The following SND1 variants were observed in gnomAD, a reference collection of about 807,000 sequenced individuals.
SND1 encodes the protein staphylococcal nuclease and tudor domain containing 1.
SND1 carries 38 observed loss-of-function variants against 121.7 expected under a neutral mutation model. The ratio of observed to expected loss-of-function variants is 0.31; its 90% CI spans 0.24 to 0.41. The LOEUF (loss-of-function observed/expected upper bound fraction) is 0.41. SND1 is among the 10% of genes least tolerant of loss of function. The pLI is 1.00. For synonymous variants in SND1, 401 were observed against 447.4 expected, an observed-to-expected ratio of 0.90 and a Z score of 1.31; for missense variants, 868 against 1,184.6, an observed-to-expected ratio of 0.73 and a Z score of 3.92.
At chr7:127,916,386 T>C (rs887174089) in intron 14 of SND1, among the ~76,000 whole-genome samples, 2 of 152,166 alleles carry the variant, frequency 1.3e-5, no homozygotes, top group Non-Finnish European at 2.9e-5. Context: ...TTGTCTGATA[T>C]TGTAAATGAT....
chr7:127,804,397 C>G (rs1197907748), intron 10 of SND1, among the ~76,000 whole-genome samples: 1 of 152,130 alleles, frequency 6.6e-6, no homozygotes, highest in East Asian at 1.9e-4. Context: ...TTTGTTGATA[C>G]ACTTTTTATT....
chr7:127,967,448 G>A (rs1489926074), intron 15 of SND1, among the ~76,000 whole-genome samples: 1 of 152,208 alleles, frequency 6.6e-6, no homozygotes, highest in African/African-American at 2.4e-5. Context: ...TGCCATCCAT[G>A]CTGTATCTTT....
At chr7:127,688,560 A>AG (rs1280623909) in intron 2 of SND1, among the ~76,000 whole-genome samples, 1 of 151,456 alleles carries the variant, frequency 6.6e-6, no homozygotes, top group African/African-American at 2.4e-5. Context: ...AAAAAAAAAA[A>AG]AAAAAGAAAA....
intron 10 of SND1, among the ~76,000 whole-genome samples, chr7:127,783,074 T>A (rs1322788998): frequency 6.6e-6 from 1 of 152,196 alleles, no homozygotes; most frequent in East Asian, 1.9e-4. Flanking sequence ...AGATATCAAT[T>A]CTGGATATAT....
intron 1 of SND1, among the ~76,000 whole-genome samples, chr7:127,670,966 C>T (rs904395284): frequency 3.3e-5 from 5 of 152,080 alleles, no homozygotes; most frequent in East Asian, 1.9e-4. Context: ...GATTTGAAAG[C>T]GTCTACCATT....
At chr7:127,859,126 G>A (rs905214026) in intron 12 of SND1, among the ~76,000 whole-genome samples, 1 of 152,158 alleles carries the variant, frequency 6.6e-6, no homozygotes, top group African/African-American at 2.4e-5. Context: ...GTTTGCATGG[G>A]GGGGTGGTTT....
At chr7:127,979,436 T>C (rs1348439248) in intron 15 of SND1, among the ~76,000 whole-genome samples, 1 of 152,152 alleles carries the variant, frequency 6.6e-6, no homozygotes, top group Non-Finnish European at 1.5e-5. Flanking sequence ...CACTCTAAGC[T>C]AATTCTGATT....
At chr7:127,893,680 G>A (rs1406092465) in intron 13 of SND1, among the ~76,000 whole-genome samples, 1 of 152,112 alleles carries the variant, frequency 6.6e-6, no homozygotes, top group African/African-American at 2.4e-5. Flanking sequence ...CAGGAGAAGA[G>A]AAAAGGGCAG....
At chr7:127,676,476 G>A (rs1195976329) in intron 1 of SND1, among the ~76,000 whole-genome samples, 1 of 152,194 alleles carries the variant, frequency 6.6e-6, no homozygotes, top group Non-Finnish European at 1.5e-5. Context: ...TATAATTTCA[G>A]AGCTCATGGT....
intron 16 of SND1, chr7:128,030,526 C>G (rs779286066): frequency 6.2e-7 from 1 of 1,613,272 alleles, no homozygotes; most frequent in Non-Finnish European, 8.5e-7. Flanking sequence ...CCGGCTGAGG[C>G]GGCAGCAGCG....
At chr7:127,757,875 A>G (rs774483089) in intron 10 of SND1, among the ~76,000 whole-genome samples, 2 of 152,102 alleles carry the variant, frequency 1.3e-5, no homozygotes, top group Non-Finnish European at 2.9e-5. Context: ...GTTTCTGAAA[A>G]TGTTTCCTGT....
In SND1 at chr7:127,731,891, G is replaced by A. The variant is rs141371997; in HGVS notation, c.1152+10491G>A. Among the ~76,000 whole-genome samples, 43 of 152,306 alleles carry A rather than the reference G, an allele frequency of 2.8e-4. No individual in the cohort carries two copies. In the East Asian group the frequency reaches 8.3e-3, roughly 29 times the overall value. ...ACCGTAGACGGAACCTGACAAACTG[G>A]AAACTCAGTGTGATAAAATCCTATA... On this transcript the variant is annotated intron_variant, in intron 10 of 23. Transcript: ENST00000354725.
chr7:127,758,921 G>A (rs954897300), intron 10 of SND1, among the ~76,000 whole-genome samples: 1 of 152,118 alleles, frequency 6.6e-6, no homozygotes, highest in Admixed American at 6.5e-5. Context: ...GGGCATGGTG[G>A]TGCATGCCTG....
chr7:127,908,675 T>G (rs1223533645), intron 14 of SND1, among the ~76,000 whole-genome samples: 1 of 152,130 alleles, frequency 6.6e-6, no homozygotes, highest in Non-Finnish European at 1.5e-5. Context: ...CATACATACA[T>G]GTTTTCATTA....
rs535530361 is a variant in SND1, at chr7:127,815,387, G to T, written c.1242+7814G>T. Among the ~76,000 whole-genome samples, 7 of 152,264 alleles carry T rather than the reference G, an allele frequency of 4.6e-5. No homozygotes were observed. The South Asian group carries it at 1.5e-3, about 32-fold the overall frequency. The stretch of plus-strand genomic sequence containing the variant: ...CACCTGTAGTCCCAGCTATTTGGGT[G>T]GCTGAGATAGGAGAATCACTTGAGC... On this transcript the variant is annotated intron_variant, in intron 11 of 23. Transcript: ENST00000354725.
chr7:127,766,756 A>C (rs1797424969), intron 10 of SND1, among the ~76,000 whole-genome samples: 1 of 109,214 alleles, frequency 9.2e-6, no homozygotes, highest in South Asian at 4.0e-4. Context: ...TGGGTGACAA[A>C]GCGAGACTTT....
chr7:127,710,958 T>A (rs1421760334), intron 9 of SND1, among the ~76,000 whole-genome samples: 2 of 152,138 alleles, frequency 1.3e-5, no homozygotes, highest in Admixed American at 1.3e-4. Flanking sequence ...TCCTGCAAAA[T>A]TTTTTTGTTT....
chr7:127,786,790 C>T (rs1287449243), intron 10 of SND1, among the ~76,000 whole-genome samples: 9 of 152,120 alleles, frequency 5.9e-5, no homozygotes, highest in East Asian at 3.9e-4. Context: ...ACTACAGGCG[C>T]GCGCCACCAT....
chr7:127,652,610 A>G (rs1795141720), intron 1 of SND1, among the ~76,000 whole-genome samples, 159 bp downstream of exon 1: 1 of 152,194 alleles, frequency 6.6e-6, no homozygotes, highest in Non-Finnish European at 1.5e-5. Flanking sequence ...ACTAGACGGA[A>G]GCAGACACGG....
Sources: allele counts gnomAD v4.1 joint callset (sites outside exome capture counted in the v4.1 genomes callset), GRCh38; gene constraint gnomAD v4.1.1; transcripts MANE v1.5; gene names NCBI Gene and HGNC (gene_info 2026-07-23, HGNC 2026-07-21).